The following REV1 variants were observed in gnomAD, a reference collection of about 807,000 sequenced individuals.
REV1 encodes REV1 DNA directed polymerase.
A neutral mutation model predicts 137.4 loss-of-function variants in REV1; 42 were observed. The observed-to-expected ratio is 0.31, with a 90% CI of 0.24 to 0.40. REV1 has a LOEUF of 0.40. Among genes scored for constraint, REV1 ranks in the 10% least tolerant of loss-of-function variants. REV1 has a pLI of 1.00. For missense variants in REV1, 1,282 were observed against 1,490.1 expected, an observed-to-expected ratio of 0.86 and a Z score of 2.30; for synonymous variants, 524 against 519.2, an observed-to-expected ratio of 1.01 and a Z score of -0.12.
intron 5 of REV1, among the ~76,000 whole-genome samples, chr2:99,440,164 T>C (rs1027924505): frequency 2.6e-5 from 4 of 152,254 alleles, no homozygotes; most frequent in Admixed American, 2.6e-4. Flanking sequence ...CCATGACAAA[T>C]GTTATGCTAA....
In REV1 at chr2:99,438,672, C is replaced by G; in HGVS notation, c.1142G>C (p.Gly381Ala). 1 of 1,614,088 alleles carries G rather than the reference C, an allele frequency of 6.2e-7. No homozygotes were observed. Residue 381 changes from glycine to alanine, a missense_variant, in exon 6 of 23, where the codon GGT becomes GCT. Around this residue, in one of 7 missense-constraint regions of REV1, gnomAD observed 432 missense variants for 438.0 expected, o/e 0.99. Coordinates refer to ENST00000258428, the MANE Select transcript of REV1 (RefSeq NM_016316.4). ...TAACTTTTCCCTTCCTGGAAAGATA[C>G]CATTACTTTGTCTTTGTAGGGTATT... ...FVNTLQRQSN[G>A]IFPGREKLKK...
chr2:99,479,036 T>C (rs1009940995), intron 1 of REV1, among the ~76,000 whole-genome samples: 2 of 152,112 alleles, frequency 1.3e-5, no homozygotes, highest in African/African-American at 2.4e-5. Flanking sequence ...TTTAATTAGA[T>C]TGCAGGCGAC....
chr2:99,475,530 T>C (rs1455035517), intron 1 of REV1, among the ~76,000 whole-genome samples: 1 of 152,154 alleles, frequency 6.6e-6, no homozygotes, highest in Non-Finnish European at 1.5e-5. Flanking sequence ...AAGAGGTACA[T>C]CTACTTTTAC....
chr2:99,454,588 A>AAAAAAAAAC (rs1683326625), intron 3 of REV1, among the ~76,000 whole-genome samples: 1 of 144,516 alleles, frequency 6.9e-6, no homozygotes, highest in Non-Finnish European at 1.5e-5. Flanking sequence ...AAAAAAAAAA[A>AAAAAAAAAC]AAACCCAAAA....
Position 99,409,134 on chromosome 2 carries a change from TA to T in REV1, c.2346-1004del, listed in dbSNP as rs570973698. On this transcript the variant is annotated intron_variant, in intron 14 of 22. Coordinates refer to ENST00000258428, the MANE Select transcript of REV1 (RefSeq NM_016316.4). Reference sequence around the variant, plus strand: ...TACATAAATAAGTTTTTAAAGTAAATAAATAAATGACCACTATTTACTATTT... The same window carrying T: ...TACATAAATAAGTTTTTAAAGTAAATAATAAATGACCACTATTTACTATTT... Among the ~76,000 whole-genome samples the T allele has an allele frequency of 1.3e-3, 194 of 152,208 alleles. 1 individual carries two copies. The highest frequency in any genetic ancestry group is 2.4e-3 in the Non-Finnish European group (161 of 67,998).
intron 9 of REV1, among the ~76,000 whole-genome samples, chr2:99,426,568 C>A (rs1468318602): frequency 1.3e-5 from 2 of 152,046 alleles, no homozygotes; most frequent in Admixed American, 6.6e-5. Context: ...AAAACGAAAA[C>A]CTTTTTCCTT....
intron 5 of REV1, among the ~76,000 whole-genome samples, chr2:99,440,733 T>C (rs1575111027): frequency 6.6e-6 from 1 of 152,214 alleles, no homozygotes; most frequent in Non-Finnish European, 1.5e-5. Flanking sequence ...CAAAATGTAC[T>C]GAATATACCC....
intron 1 of REV1, among the ~76,000 whole-genome samples, chr2:99,479,308 C>A (rs1251079841): frequency 7.9e-6 from 1 of 126,498 alleles, no homozygotes; most frequent in African/African-American, 3.2e-5. Context: ...GCCTGGGTGA[C>A]AGAGCGAGAC....
chr2:99,412,721 T>C lies in REV1; in HGVS notation c.2172+10A>G, dbSNP rs1244250275. 5.0e-6 allele frequency: 8 copies of C among 1,605,770 alleles called. No homozygotes were observed. Among genetic ancestry groups the C allele is most frequent in the African/African-American group, 1.3e-5 (1 of 74,900 alleles). ...GCAACAGATGGCAAAATCTGTTCAA[T>C]GATCAGTACCTGAGTAAACCTTATT... On this transcript the variant is annotated intron_variant, in intron 13 of 22. Coordinates refer to ENST00000258428, the MANE Select transcript of REV1 (RefSeq NM_016316.4).
chr2:99,489,672 G>C (rs1203414862), intron 1 of REV1, 145 bp downstream of exon 1: 1 of 149,636 alleles, frequency 6.7e-6, no homozygotes, highest in Non-Finnish European at 1.5e-5. Context: ...GCCGCGGGCC[G>C]GGGCCGGGGC....
At chr2:99,437,201 T>C (rs1680877277) in intron 6 of REV1, among the ~76,000 whole-genome samples, 1 of 152,000 alleles carries the variant, frequency 6.6e-6, no homozygotes, top group South Asian at 2.1e-4. Context: ...CAGGTTGGTC[T>C]TGCACTCCTG....
At chr2:99,460,493 T>C (rs1338410894) in intron 3 of REV1, among the ~76,000 whole-genome samples, 1 of 152,198 alleles carries the variant, frequency 6.6e-6, no homozygotes, top group African/African-American at 2.4e-5. Flanking sequence ...TTTTACAAAA[T>C]AGCTGACCAG....
intron 1 of REV1, among the ~76,000 whole-genome samples, chr2:99,475,254 G>A (rs1169538207): frequency 1.3e-5 from 2 of 152,192 alleles, no homozygotes; most frequent in Non-Finnish European, 2.9e-5. Context: ...CTCACATTCT[G>A]TATTTGTTCC....
In REV1 at chr2:99,476,257, A is replaced by C. The variant is rs192191722; in HGVS notation, c.-10-11272T>G. On this transcript the variant is annotated intron_variant, in intron 1 of 22. Transcript: ENST00000258428. ...AGATGAGACTGGGAGGTAACCTCTA[A>C]GCCCTTAGAACGTCCACCTTATGGG... Among the ~76,000 whole-genome samples, 129 of 152,128 alleles carry C rather than the reference A, an allele frequency of 8.5e-4. 1 individual carries two copies. Among genetic ancestry groups the C allele is most frequent in the African/African-American group, 3.0e-3 (124 of 41,516 alleles).
intron 1 of REV1, among the ~76,000 whole-genome samples, chr2:99,479,326 C>CAA (rs60839666): frequency 0.01 from 978 of 96,792 alleles, 20 homozygotes; most frequent in African/African-American, 0.034. Context: ...GACTCTGTCT[C>CAA]AAAAAAAAAA....
chr2:99,484,357 T>C (rs1279644723), intron 1 of REV1, among the ~76,000 whole-genome samples: 3 of 152,144 alleles, frequency 2.0e-5, no homozygotes, highest in African/African-American at 4.8e-5. Flanking sequence ...AACATTCATA[T>C]GTACCCCAGA....
Position 99,429,877 on chromosome 2 carries a change from A to G in REV1, c.1510T>C (p.Ser504Pro). The change falls in exon 9 of 23, where the codon TCA becomes CCA. Residue 504 changes from serine (S) to proline (P), a missense_variant. Ser to Pro is a moderately conservative substitution (Grantham distance 74). Transcript: ENST00000258428. ...CTACAAGATGCAATTTCAGCCCTTG[A>G]CAAAACAGAATCAATTCCATTTGCT... is the stretch of plus-strand genomic sequence containing the variant. ...AQANGIDSVL[S>P]RAEIASCSYE... 1 of 1,605,356 alleles carries G rather than the reference A, an allele frequency of 6.2e-7. No homozygotes were observed. The highest frequency in any genetic ancestry group is 2.3e-5 in the East Asian group (1 of 44,316).
At chr2:99,480,921 T>A (rs187831613) in intron 1 of REV1, among the ~76,000 whole-genome samples, 11 of 152,302 alleles carry the variant, frequency 7.2e-5, no homozygotes, top group Non-Finnish European at 1.5e-4. Flanking sequence ...TTATTCAATG[T>A]AACAATTTAG....
intron 4 of REV1, among the ~76,000 whole-genome samples, chr2:99,444,674 T>A (rs1200306090): frequency 2.6e-5 from 4 of 152,212 alleles, no homozygotes; most frequent in Non-Finnish European, 4.4e-5. Flanking sequence ...TGAAGTAATG[T>A]CAGTTATAAT....
Sources: gnomAD v4.1 joint callset for allele counts (sites outside exome capture counted in the v4.1 genomes callset) on GRCh38, gnomAD v4.1.1 for gene constraint, gnomAD v4.1.1 regional missense constraint, MANE v1.5 for transcripts, NCBI Gene and HGNC (gene_info 2026-07-23, HGNC 2026-07-21) for gene names.